The following UFSP2 variants were observed in gnomAD, a reference collection of about 807,000 sequenced individuals.
The protein encoded by UFSP2 is UFM1 specific peptidase 2, also known as ufm1-specific protease 2.
In UFSP2, 43 loss-of-function variants were observed where a neutral mutation model predicts 60.2. The ratio of observed to expected loss-of-function variants is 0.71; its 90% CI spans 0.56 to 0.92. The LOEUF is 0.92. Among genes scored for constraint, UFSP2 ranks in the 40% least tolerant of loss-of-function variants. The probability of loss-of-function intolerance (pLI) is 0.00; values close to 1 mark genes in which losing one functional copy is unlikely to be tolerated. For synonymous variants in UFSP2, 183 were observed against 195.1 expected, an observed-to-expected ratio of 0.94 and a Z score of 0.52; for missense variants, 520 against 575.0, an observed-to-expected ratio of 0.90 and a Z score of 0.98.
At chr4:185,409,036 A>G (rs1465623036) in intron 7 of UFSP2, among the ~76,000 whole-genome samples, 2 of 152,196 alleles carry the variant, frequency 1.3e-5, no homozygotes, top group East Asian at 1.9e-4. Context: ...CAGTGAGTAC[A>G]TACACTGTGT....
chr4:185,414,023 G>T, intron 6 of UFSP2, 151 bp from the exon 7 acceptor site: 1 of 629,682 alleles, frequency 1.6e-6, no homozygotes. Context: ...CATCAAAGAT[G>T]GTGAAAACTG....
At position 185,405,002 on chromosome 4, in the gene UFSP2, C is replaced by CTT. The variant is rs70962563; in HGVS notation, c.1198+776_1198+777dup. Among the ~76,000 whole-genome samples the CTT allele has an allele frequency of 7.5e-3, 1,039 of 137,854 alleles. 5 individuals are homozygous for CTT. Among genetic ancestry groups the CTT allele is most frequent in the Non-Finnish European group, 0.011 (730 of 64,804 alleles). 90.4% of individuals were successfully genotyped at this position (137,854 alleles called of 152,430 possible). ...TGCTGACATCAGCCTACCTCCATTT[C>CTT]TTTTTTTTTTTTTTTTCTTTTGAGA... is the stretch of plus-strand genomic sequence containing the variant. On this transcript the variant is annotated intron_variant, in intron 10 of 11. Coordinates refer to ENST00000264689, the MANE Select transcript of UFSP2 (RefSeq NM_018359.5).
At chr4:185,424,766 C>T (rs2095556175) in intron 1 of UFSP2, among the ~76,000 whole-genome samples, 1 of 152,196 alleles carries the variant, frequency 6.6e-6, no homozygotes, top group Non-Finnish European at 1.5e-5. Context: ...AACTCTGCTA[C>T]TTACTGTACA....
rs1312908818 is a variant in UFSP2 at position 185,405,796 on chromosome 4, TCCTTCA to T, written c.1176_1181del (p.Ser392_Gly394delinsArg). 5.0e-6 allele frequency: 8 copies of T among 1,614,134 alleles called. No homozygotes were observed. Among genetic ancestry groups the T allele is most frequent in the Non-Finnish European group, 6.8e-6 (8 of 1,179,998 alleles). On this transcript the variant is annotated inframe_deletion, in exon 10 of 12. Coordinates refer to ENST00000264689, the MANE Select transcript of UFSP2 (RefSeq NM_018359.5). ...ACAGCTTACCGATCATAACTGGAGTTCCTTCACTTTGGAAATGATTAGCCAGTTCCC... is the reference window on the plus strand; with the variant it reads ...ACAGCTTACCGATCATAACTGGAGTTCTTTGGAAATGATTAGCCAGTTCCC...
At chr4:185,405,653 C>T (rs1303882033) in intron 10 of UFSP2, 127 bp downstream of exon 10, 2 of 977,986 alleles carry the variant, frequency 2.0e-6, no homozygotes, top group African/African-American at 3.3e-5. Flanking sequence ...GAGATCCATA[C>T]ATATGGTGTA....
At chr4:185,422,103 C>G (rs1206804591) in intron 2 of UFSP2, among the ~76,000 whole-genome samples, 3 of 152,108 alleles carry the variant, frequency 2.0e-5, no homozygotes, top group African/African-American at 7.2e-5. Flanking sequence ...GTACTCATCC[C>G]CATATAATGT....
intron 11 of UFSP2, among the ~76,000 whole-genome samples, chr4:185,403,092 G>A (rs1439834218): frequency 1.3e-5 from 2 of 152,068 alleles, no homozygotes; most frequent in Non-Finnish European, 1.5e-5. Context: ...AATTAGTCAA[G>A]CCTCCATAAT....
intron 2 of UFSP2, among the ~76,000 whole-genome samples, chr4:185,419,534 T>C (rs753046420): frequency 1.3e-5 from 2 of 152,232 alleles, no homozygotes; most frequent in Non-Finnish European, 2.9e-5. Context: ...ACTAACTATA[T>C]GATCTCACAG....
intron 6 of UFSP2, among the ~76,000 whole-genome samples, chr4:185,414,558 C>T (rs1055978646): frequency 6.6e-6 from 1 of 152,104 alleles, no homozygotes; most frequent in Non-Finnish European, 1.5e-5. Flanking sequence ...TCTCGCTCTC[C>T]CTAAGGACAG....
intron 4 of UFSP2, among the ~76,000 whole-genome samples, chr4:185,417,140 T>C (rs377344388): frequency 5.9e-5 from 9 of 152,352 alleles, no homozygotes; most frequent in African/African-American, 2.2e-4. Flanking sequence ...AACTGTCTCT[T>C]TCATACCATG....
In UFSP2 at chr4:185,425,858, A is replaced by G. The variant is rs750833823; in HGVS notation, c.3+8T>C. The G allele has an allele frequency of 5.0e-6, 8 of 1,604,240 alleles. No homozygotes were observed. The Admixed American group carries it at 1.4e-4, about 27-fold the overall frequency. ...ACACAGGGGTCGGTGACGAGCAGAG[A>G]TACTCACCATGTCCGCGACGTGGCG... On this transcript the variant is annotated splice_region_variant and intron_variant, in intron 1 of 11. Coordinates refer to ENST00000264689, the MANE Select transcript of UFSP2 (RefSeq NM_018359.5).
At chr4:185,418,874 A>T in intron 2 of UFSP2, 104 bp from the exon 3 acceptor site, 1 of 832,200 alleles carries the variant, frequency 1.2e-6, no homozygotes, top group East Asian at 2.9e-5. Context: ...CTCAATACCT[A>T]TTCCCCATAT....
At chr4:185,401,404 T>C (rs1380620160) in intron 11 of UFSP2, among the ~76,000 whole-genome samples, 2 of 152,256 alleles carry the variant, frequency 1.3e-5, no homozygotes, top group Non-Finnish European at 2.9e-5. Flanking sequence ...AGGCTCATTC[T>C]GTTTTAACCT....
In UFSP2 at chr4:185,399,886, C is replaced by A. The variant is rs1222875530; in HGVS notation, c.*506G>T. On this transcript the variant is annotated 3_prime_UTR_variant, in exon 12 of 12. Transcript: ENST00000264689. ...GTATTTCTAGTAGTATTGTTTCATT[C>A]TCATTAACATTTTAGTACTGGTTAT... 3 of 1,542,666 alleles carry A rather than the reference C, an allele frequency of 1.9e-6. No individual in the cohort carries two copies. The highest frequency in any genetic ancestry group is 2.0e-5 in the Admixed American group (1 of 49,140).
intron 11 of UFSP2, 146 bp from the exon 12 acceptor site, chr4:185,400,624 T>C (rs2095512147): frequency 5.8e-6 from 3 of 519,170 alleles, no homozygotes; most frequent in Admixed American, 3.6e-5. Flanking sequence ...CCTACTAGCA[T>C]AGAAAAGTAA....
Position 185,408,303 on chromosome 4 carries a change from T to G in UFSP2, c.964A>C (p.Arg322=). The G allele has an allele frequency of 6.2e-7, 1 of 1,614,148 alleles. No individual in the cohort carries two copies. ...SWFKHQGYTE[R]SIPTHREIQQ... Reference sequence around the variant, plus strand: ...ATTTCTCTGTGTGTTGGAATGGACCTCTCTGTGTATCCCTGATGTTTGAAC... The same window carrying G: ...ATTTCTCTGTGTGTTGGAATGGACCGCTCTGTGTATCCCTGATGTTTGAAC... Residue 322 remains arginine (R), a synonymous_variant, in exon 8 of 12, where the codon AGG becomes CGG. Coordinates refer to ENST00000264689, the MANE Select transcript of UFSP2 (RefSeq NM_018359.5).
chr4:185,415,368 G>C (rs1245293824), intron 5 of UFSP2, 21 bp from the exon 6 acceptor site: 1 of 1,536,234 alleles, frequency 6.5e-7, no homozygotes, highest in South Asian at 1.3e-5. Context: ...AAATATATAA[G>C]TGTATTAACA....
chr4:185,401,527 A>G (rs2095513271), intron 11 of UFSP2, among the ~76,000 whole-genome samples: 1 of 152,196 alleles, frequency 6.6e-6, no homozygotes, highest in South Asian at 2.1e-4. Flanking sequence ...GACATAGTGC[A>G]TAGGACATGC....
At chr4:185,425,787 G>A (rs917520753) in intron 1 of UFSP2, 79 bp downstream of exon 1, 40 of 1,561,930 alleles carry the variant, frequency 2.6e-5, no homozygotes, top group East Asian at 1.7e-4. Context: ...GCTCCTTTCA[G>A]GCGCTGTGAA....
Sources: allele counts gnomAD v4.1 joint callset (sites outside exome capture counted in the v4.1 genomes callset), GRCh38; gene constraint gnomAD v4.1.1; transcripts MANE v1.5; gene names NCBI Gene and HGNC (gene_info 2026-07-23, HGNC 2026-07-21).